The following HOMER1 variants were observed in gnomAD, a reference collection of about 807,000 sequenced individuals.
HOMER1 encodes homer protein homolog 1.
Under a neutral mutation model 48.9 loss-of-function variants are expected in HOMER1, and 3 were observed. That is an observed-to-expected ratio of 0.06 (90% confidence interval 0.03 to 0.16). The LOEUF (loss-of-function observed/expected upper bound fraction) is 0.16. HOMER1 is among the 10% of genes least tolerant of loss of function. The probability of loss-of-function intolerance (pLI) is 1.00; values close to 1 mark genes in which losing one functional copy is unlikely to be tolerated. For synonymous variants in HOMER1, 134 were observed against 146.4 expected (o/e 0.92, Z 0.61); for missense variants, 247 against 411.4 (o/e 0.60, Z 3.46).
rs183108448 is a variant in HOMER1, at chr5:79,416,153, T to C, written c.528-14098A>G. Among the ~76,000 whole-genome samples, 7 of 152,344 alleles carry C rather than the reference T, an allele frequency of 4.6e-5. No individual in the cohort carries two copies. The East Asian group carries it at 1.2e-3, about 25-fold the overall frequency. ...TAAAGTGGCTCCTTTTGATTACTGATGTAAAGAACAGAAATAATTTAAATC... is the reference window on the plus strand; with the variant it reads ...TAAAGTGGCTCCTTTTGATTACTGACGTAAAGAACAGAAATAATTTAAATC... On this transcript the variant is annotated intron_variant, in intron 5 of 8. Transcript: ENST00000334082.
chr5:79,467,391 C>CAAAAA (rs71767032), intron 1 of HOMER1, among the ~76,000 whole-genome samples: 29 of 51,606 alleles, frequency 5.6e-4, no homozygotes, highest in African/African-American at 1.2e-3. Flanking sequence ...AACTCCATCT[C>CAAAAA]AAAAAAAAAA....
At chr5:79,388,211 T>C (rs1336453235) in intron 8 of HOMER1, among the ~76,000 whole-genome samples, 1 of 151,930 alleles carries the variant, frequency 6.6e-6, no homozygotes, top group Non-Finnish European at 1.5e-5. Context: ...CTGAAGACAG[T>C]TCCAAAAAGC....
At chr5:79,429,695 C>A (rs1279446208) in intron 5 of HOMER1, among the ~76,000 whole-genome samples, 2 of 152,048 alleles carry the variant, frequency 1.3e-5, no homozygotes, top group South Asian at 2.1e-4. Flanking sequence ...ACCAAAAGTG[C>A]AAGAAAGAAA....
intron 5 of HOMER1, among the ~76,000 whole-genome samples, chr5:79,406,734 C>T (rs11948162): frequency 6.6e-6 from 1 of 152,160 alleles, no homozygotes; most frequent in African/African-American, 2.4e-5. Context: ...AACACTGTAA[C>T]TCTGTGAGAG....
At chr5:79,395,118 C>T (rs1040128920) in intron 8 of HOMER1, among the ~76,000 whole-genome samples, 1 of 152,128 alleles carries the variant, frequency 6.6e-6, no homozygotes, top group Non-Finnish European at 1.5e-5. Flanking sequence ...TTGTTAACAC[C>T]TTTGAACTGC....
At chr5:79,458,785 T>C (rs778320545) in intron 1 of HOMER1, among the ~76,000 whole-genome samples, 7 of 152,176 alleles carry the variant, frequency 4.6e-5, no homozygotes, top group Admixed American at 1.3e-4. Context: ...CATTTAATAA[T>C]TATTAACAAT....
chr5:79,451,246 T>C, intron 2 of HOMER1, 125 bp from the exon 3 acceptor site: 2 of 874,694 alleles, frequency 2.3e-6, no homozygotes, highest in Middle Eastern at 2.9e-4. Context: ...TACATAAAGA[T>C]AGTTACAGAA....
intron 1 of HOMER1, among the ~76,000 whole-genome samples, chr5:79,458,556 G>A (rs77884880): frequency 0.012 from 1,808 of 152,170 alleles, 32 homozygotes; most frequent in African/African-American, 0.042. Context: ...AAGGTTGGGT[G>A]ACTCCTATAT....
At chr5:79,498,757 A>T (rs1320439272) in intron 1 of HOMER1, among the ~76,000 whole-genome samples, 1 of 152,138 alleles carries the variant, frequency 6.6e-6, no homozygotes, top group Admixed American at 6.5e-5. Context: ...GAGGAAATCA[A>T]GTAACTTACA....
intron 1 of HOMER1, among the ~76,000 whole-genome samples, chr5:79,497,662 GAAAAA>G (rs1212983044): frequency 1.4e-5 from 1 of 73,026 alleles, no homozygotes; most frequent in African/African-American, 4.6e-5. Context: ...CTGTCTCAAA[GAAAAA>G]AAAAAAAAAA....
chr5:79,474,055 A>C (rs1751690661), intron 1 of HOMER1, among the ~76,000 whole-genome samples: 1 of 152,014 alleles, frequency 6.6e-6, no homozygotes, highest in Non-Finnish European at 1.5e-5. Flanking sequence ...AAAAATAGAG[A>C]GGCTCTCAGT....
At chr5:79,380,382 T>C (rs1748936770) in intron 8 of HOMER1, among the ~76,000 whole-genome samples, 1 of 152,194 alleles carries the variant, frequency 6.6e-6, no homozygotes, top group African/African-American at 2.4e-5. Context: ...CCAACAGTGC[T>C]GTAGCTAAGG....
chr5:79,452,792 A>G (rs1751064958), intron 2 of HOMER1, among the ~76,000 whole-genome samples: 1 of 152,162 alleles, frequency 6.6e-6, no homozygotes, highest in South Asian at 2.1e-4. Flanking sequence ...TTTTTACCTC[A>G]GACAAAATTT....
chr5:79,402,717 T>A (rs1326692016), intron 5 of HOMER1, among the ~76,000 whole-genome samples: 1 of 152,210 alleles, frequency 6.6e-6, no homozygotes, highest in East Asian at 1.9e-4. Context: ...TAACAATGTA[T>A]TACATTTTTT....
intron 5 of HOMER1, among the ~76,000 whole-genome samples, chr5:79,434,736 G>A (rs551629414): frequency 7.9e-6 from 1 of 125,948 alleles, no homozygotes; most frequent in East Asian, 2.9e-4. Context: ...GAATGTTTTT[G>A]CATAGTTTAT....
chr5:79,433,475 G>A (rs376166714), intron 5 of HOMER1, among the ~76,000 whole-genome samples: 1 of 152,260 alleles, frequency 6.6e-6, no homozygotes, highest in East Asian at 1.9e-4. Flanking sequence ...GGCTGAGACA[G>A]GAGAATGGCT....
At chr5:79,458,448 A>C (rs1751231294) in intron 1 of HOMER1, among the ~76,000 whole-genome samples, 1 of 152,034 alleles carries the variant, frequency 6.6e-6, no homozygotes, top group Admixed American at 6.5e-5. Flanking sequence ...TAAAATTTTA[A>C]ATTTGAAGAA....
At chr5:79,497,760 G>A (rs948897473) in intron 1 of HOMER1, among the ~76,000 whole-genome samples, 2 of 151,718 alleles carry the variant, frequency 1.3e-5, no homozygotes, top group African/African-American at 2.4e-5. Context: ...CAGCAAGCAA[G>A]CAAGCATGCT....
intron 1 of HOMER1, among the ~76,000 whole-genome samples, chr5:79,481,550 C>T (rs2112342243): frequency 6.6e-6 from 1 of 152,312 alleles, no homozygotes; most frequent in South Asian, 2.1e-4. Context: ...GAGCTGAACA[C>T]AGGTGAGCTG....
Sources: gnomAD v4.1 joint callset for allele counts (sites outside exome capture counted in the v4.1 genomes callset) on GRCh38, gnomAD v4.1.1 for gene constraint, MANE v1.5 for transcripts, NCBI Gene and HGNC (gene_info 2026-07-23, HGNC 2026-07-21) for gene names.